NFIB: variants seen among roughly 807,000 people sequenced by gnomAD.
NFIB encodes the protein nuclear factor I B, also known as nuclear factor 1 B-type.
Under a neutral mutation model 61.5 loss-of-function variants are expected in NFIB, and 11 were observed. That is an observed-to-expected ratio of 0.18 (90% CI 0.11 to 0.30). The LOEUF is 0.30. NFIB is among the 10% of genes least tolerant of loss of function. The pLI is 1.00. For missense variants in NFIB, 471 were observed against 608.9 expected (o/e 0.77, Z 2.38); for synonymous variants, 260 against 216.5 (o/e 1.20, Z -1.76).
intron 2 of NFIB, among the ~76,000 whole-genome samples, chr9:14,206,871 C>T (rs920361310): frequency 2.3e-4 from 35 of 152,052 alleles, no homozygotes; most frequent in African/African-American, 6.0e-4. Flanking sequence ...GACAGTGCAA[C>T]GCATATAAAA....
intron 1 of NFIB, among the ~76,000 whole-genome samples, chr9:14,325,355 C>T (rs1453620696): frequency 6.6e-6 from 1 of 152,096 alleles, no homozygotes; most frequent in South Asian, 2.1e-4. Context: ...AATACACTTG[C>T]AGTTAAGATT....
intron 1 of NFIB, among the ~76,000 whole-genome samples, chr9:14,308,313 A>G (rs2060122693): frequency 6.9e-6 from 1 of 145,130 alleles, no homozygotes; most frequent in African/African-American, 2.8e-5. Flanking sequence ...CACACTACCA[A>G]CGCCAGCTCC....
At chr9:14,144,069 T>C (rs1011878180) in intron 6 of NFIB, among the ~76,000 whole-genome samples, 1 of 149,724 alleles carries the variant, frequency 6.7e-6, no homozygotes, top group African/African-American at 2.5e-5. Context: ...TATTCTTCCT[T>C]CCTCTAAACA....
rs777255038 is a variant in NFIB at position 14,229,028 on chromosome 9, GA to G, written c.563-49249del. Among the ~76,000 whole-genome samples, 976 of 136,394 alleles carry G rather than the reference GA, an allele frequency of 7.2e-3. 5 individuals carry two copies. Among genetic ancestry groups the G allele is most frequent in the South Asian group, 0.027 (117 of 4,284 alleles). 89.5% of individuals were successfully genotyped at this position (136,394 alleles called of 152,430 possible). On this transcript the variant is annotated intron_variant, in intron 2 of 10. Transcript: ENST00000380953. ...AAAACGCTTTGGGCAGGTTTACAGG[GA>G]AAAAAAAAAAAACAGTAGTAGAGAA...
intron 1 of NFIB, among the ~76,000 whole-genome samples, chr9:14,358,367 T>C (rs1588363936): frequency 1.3e-5 from 2 of 152,254 alleles, no homozygotes; most frequent in African/African-American, 4.8e-5. Context: ...TTGGGATAAA[T>C]GTGTCCAGGC....
intron 10 of NFIB, among the ~76,000 whole-genome samples, chr9:14,097,194 TA>T (rs1464305420): frequency 6.6e-6 from 1 of 152,150 alleles, no homozygotes; most frequent in Non-Finnish European, 1.5e-5. Context: ...AAGACAAAAG[TA>T]GTTAGCAGCC....
intron 2 of NFIB, among the ~76,000 whole-genome samples, chr9:14,266,798 C>G (rs760722066): frequency 6.6e-6 from 1 of 151,992 alleles, no homozygotes; most frequent in Non-Finnish European, 1.5e-5. Flanking sequence ...CTATCCATTC[C>G]TGTTGTTTCT....
At chr9:14,461,559 T>G in the NFIB span, among the ~76,000 whole-genome samples, 1 of 152,178 alleles carries the variant, frequency 6.6e-6, no homozygotes, top group Admixed American at 6.6e-5. Flanking sequence ...CCACATTTCA[T>G]CAATCAGCTC....
intron 1 of NFIB, among the ~76,000 whole-genome samples, chr9:14,330,515 TAAC>T (rs2060808358): frequency 6.6e-6 from 1 of 152,212 alleles, no homozygotes; most frequent in South Asian, 2.1e-4. Context: ...TCTATGAAAA[TAAC>T]AAATGTATAC....
chr9:14,339,732 T>C (rs536573196), intron 1 of NFIB, among the ~76,000 whole-genome samples: 21 of 152,338 alleles, frequency 1.4e-4, no homozygotes, highest in African/African-American at 4.3e-4. Flanking sequence ...CCACTGCTCA[T>C]AGACATTACC....
At chr9:14,209,669 T>C (rs1368884558) in intron 2 of NFIB, among the ~76,000 whole-genome samples, 1 of 152,158 alleles carries the variant, frequency 6.6e-6, no homozygotes, top group Non-Finnish European at 1.5e-5. Context: ...CAGAACAGTG[T>C]GGGGAGAAGT....
the NFIB span, among the ~76,000 whole-genome samples, chr9:14,489,592 T>C: frequency 6.6e-6 from 1 of 152,096 alleles, no homozygotes; most frequent in African/African-American, 2.4e-5. Flanking sequence ...AGGAAGAAAG[T>C]CTCCTTCCAG....
the NFIB span, among the ~76,000 whole-genome samples, chr9:14,442,142 G>A: frequency 0.011 from 1,599 of 152,170 alleles, 33 homozygotes; most frequent in African/African-American, 0.037. Context: ...CTGGAGCCTA[G>A]GAGGCTAACT....
At chr9:14,498,020 T>A in the NFIB span, among the ~76,000 whole-genome samples, 1 of 152,236 alleles carries the variant, frequency 6.6e-6, no homozygotes, top group African/African-American at 2.4e-5. Context: ...TTTCCCACTT[T>A]GTTTTTGTAT....
chr9:14,299,853 T>G (rs570828102), intron 2 of NFIB, among the ~76,000 whole-genome samples: 5 of 152,284 alleles, frequency 3.3e-5, no homozygotes, highest in Admixed American at 1.3e-4. Context: ...ACAATTAAAT[T>G]TTGAAGGTTT....
intron 4 of NFIB, among the ~76,000 whole-genome samples, chr9:14,151,697 G>T (rs866309159): frequency 6.6e-6 from 1 of 152,088 alleles, no homozygotes; most frequent in Non-Finnish European, 1.5e-5. Context: ...CAAAATCATA[G>T]GTAGAGATAA....
intron 1 of NFIB, among the ~76,000 whole-genome samples, chr9:14,376,382 G>C (rs1659364922): frequency 6.6e-6 from 1 of 152,160 alleles, no homozygotes; most frequent in Non-Finnish European, 1.5e-5. Context: ...GTAAAGAGTA[G>C]CTTCAACTTA....
chr9:14,275,332 C>G (rs1389741533), intron 2 of NFIB, among the ~76,000 whole-genome samples: 1 of 152,198 alleles, frequency 6.6e-6, no homozygotes, highest in Non-Finnish European at 1.5e-5. Context: ...CCAACATTCT[C>G]TTACTCTAAT....
At chr9:14,531,937 C>G in the NFIB span, 3 of 152,102 alleles carry the variant, frequency 2.0e-5, no homozygotes, top group African/African-American at 7.2e-5. Context: ...TGTTATTACG[C>G]CAAACTTACC....
Sources: allele counts gnomAD v4.1 joint callset (sites outside exome capture counted in the v4.1 genomes callset), GRCh38; gene constraint gnomAD v4.1.1; transcripts MANE v1.5; gene names NCBI Gene and HGNC (gene_info 2026-07-23, HGNC 2026-07-21).